The following VAV2 variants were observed in gnomAD, a reference collection of about 807,000 sequenced individuals.
VAV2 encodes the protein guanine nucleotide exchange factor VAV2.
A neutral mutation model predicts 132.5 loss-of-function variants in VAV2; 67 were observed. The observed-to-expected ratio is 0.51, with a 90% confidence interval of 0.42 to 0.62. The LOEUF is 0.62. Among genes scored for constraint, VAV2 ranks in the 20% least tolerant of loss-of-function variants. The pLI, the probability that VAV2 is intolerant of heterozygous loss-of-function variation, is 0.00. For synonymous variants in VAV2, 492 were observed against 443.5 expected (o/e 1.11, Z -1.37); for missense variants, 938 against 1,153.6 (o/e 0.81, Z 2.71).
chr9:133,970,657 C>A (rs932708219), intron 1 of VAV2, among the ~76,000 whole-genome samples: 3 of 152,210 alleles, frequency 2.0e-5, no homozygotes, highest in African/African-American at 4.8e-5. Flanking sequence ...CCAGCCCCAG[C>A]CTCTGGCCTA....
intron 2 of VAV2, among the ~76,000 whole-genome samples, chr9:133,903,077 G>GAAAA (rs1839505485): frequency 9.4e-6 from 1 of 106,722 alleles, no homozygotes; most frequent in African/African-American, 4.0e-5. Flanking sequence ...CCCTGCCCCA[G>GAAAA]GAAAAAAAAA....
chr9:133,863,096 G>A lies in VAV2; in HGVS notation c.322-1664C>T, dbSNP rs1018012814. ...CTACAAGGGGCCTTTCACAAGTAAT[G>A]AGGAACTTGGCTCTGGAGTGTTTTT... On this transcript the variant is annotated intron_variant, in intron 2 of 29. Transcript: ENST00000371850. This position sits in a 1 kb window ranked among gnomAD's most constrained non-coding sequence, Gnocchi z 5.0. Among the ~76,000 whole-genome samples the A allele has an allele frequency of 6.6e-6, 1 of 152,212 alleles. No individual in the cohort carries two copies. Among genetic ancestry groups the A allele is most frequent in the African/African-American group, 2.4e-5 (1 of 41,446 alleles).
chr9:133,960,450 C>T (rs1396118534), intron 1 of VAV2, among the ~76,000 whole-genome samples: 1 of 152,322 alleles, frequency 6.6e-6, no homozygotes, highest in East Asian at 1.9e-4. Context: ...ACCCTGAGTG[C>T]CGGCCACGGG....
rs371810566 is a variant in VAV2 at position 133,789,246 on chromosome 9, C to T, written c.1274+12G>A. The T allele has an allele frequency of 6.3e-5, 102 of 1,613,512 alleles. No homozygotes were observed. The highest frequency in any genetic ancestry group is 2.0e-4 in the African/African-American group (15 of 74,920). On this transcript the variant is annotated intron_variant, in intron 14 of 29. Transcript: ENST00000371850. ...GGGACGCCACCCAGCCCACAACACG[C>T]GCCCTGCTCACCTGTCCTGCTTGGT...
At position 133,761,962 on chromosome 9, in the gene VAV2, A is replaced by G. The variant is rs1833274610; in HGVS notation, c.*2100T>C. 6.6e-6 allele frequency: 1 copy of G among 152,656 alleles called. No homozygotes were observed. Among genetic ancestry groups the G allele is most frequent in the African/African-American group, 2.4e-5 (1 of 41,458 alleles). The allele number at this position is 152,656 out of a possible 1,614,324, so 9.5% of individuals were successfully genotyped here. ...CTGAAAAAAACCCATTGGCAAATGTACAGTTTGTGTCCATTTGGGGTTCCC... is the reference window on the plus strand; with the variant it reads ...CTGAAAAAAACCCATTGGCAAATGTGCAGTTTGTGTCCATTTGGGGTTCCC... On this transcript the variant is annotated 3_prime_UTR_variant, in exon 30 of 30. Coordinates refer to ENST00000371850, the MANE Select transcript of VAV2 (RefSeq NM_001134398.2).
At chr9:133,803,235 C>T (rs1835006152) in intron 9 of VAV2, among the ~76,000 whole-genome samples, 2 of 152,200 alleles carry the variant, frequency 1.3e-5, no homozygotes, top group Admixed American at 1.3e-4. Flanking sequence ...GCGTGGCCTT[C>T]GTCTCGTTCT....
intron 2 of VAV2, among the ~76,000 whole-genome samples, chr9:133,888,984 A>AG (rs768196018): frequency 5.9e-5 from 9 of 152,316 alleles, no homozygotes; most frequent in Non-Finnish European, 1.2e-4. Context: ...CGCCCCTGCC[A>AG]GGGGGGCAGG....
At position 133,797,079 on chromosome 9, in the gene VAV2, C is replaced by T. The variant is rs531825493; in HGVS notation, c.937-555G>A. On this transcript the variant is annotated intron_variant, in intron 10 of 29. Coordinates refer to ENST00000371850, the MANE Select transcript of VAV2 (RefSeq NM_001134398.2). ...CCACTGCTAGAGCCAGGGGGCTCTTCACCAGGCTCCACGCAGAAACCAGGG... is the reference window on the plus strand; with the variant it reads ...CCACTGCTAGAGCCAGGGGGCTCTTTACCAGGCTCCACGCAGAAACCAGGG... Among the ~76,000 whole-genome samples, 11 of 152,342 alleles carry T rather than the reference C, an allele frequency of 7.2e-5. No homozygotes were observed. In the South Asian group the frequency reaches 2.3e-3, roughly 32 times the overall value.
intron 3 of VAV2, among the ~76,000 whole-genome samples, chr9:133,839,367 T>G (rs1339354821): frequency 6.6e-6 from 1 of 151,828 alleles, no homozygotes. Context: ...GGTGCATGGA[T>G]AAGTGGACAG....
intron 2 of VAV2, among the ~76,000 whole-genome samples, chr9:133,862,606 G>A (rs900312945): frequency 2.0e-5 from 3 of 152,240 alleles, no homozygotes; most frequent in Non-Finnish European, 2.9e-5. Context: ...CTGGGGGTGG[G>A]CAACAAGAAA....
intron 7 of VAV2, 37 bp downstream of exon 7, chr9:133,809,003 C>T (rs368499689): frequency 9.4e-5 from 149 of 1,586,966 alleles, no homozygotes; most frequent in Non-Finnish European, 1.2e-4. Flanking sequence ...ACCACAGTGG[C>T]CGCTGCCATT....
chr9:133,861,040 C>T (rs1254760663), intron 3 of VAV2, among the ~76,000 whole-genome samples: 1 of 152,236 alleles, frequency 6.6e-6, no homozygotes, highest in South Asian at 2.1e-4. Context: ...ACCTCATTCT[C>T]GGCACAGCCC....
At chr9:133,786,293 G>T (rs898291731) in intron 16 of VAV2, among the ~76,000 whole-genome samples, 4 of 152,190 alleles carry the variant, frequency 2.6e-5, no homozygotes, top group African/African-American at 9.7e-5. Context: ...TGTCCCTGCA[G>T]GTACACACAT....
At chr9:133,812,336 C>T in intron 4 of VAV2, 120 bp from the exon 5 acceptor site, 1 of 895,718 alleles carries the variant, frequency 1.1e-6, no homozygotes, top group Non-Finnish European at 1.8e-6. Flanking sequence ...AGGTCACCTG[C>T]CCGGGCCTCA....
chr9:133,866,158 G>T (rs1449444775), intron 2 of VAV2, among the ~76,000 whole-genome samples: 1 of 152,208 alleles, frequency 6.6e-6, no homozygotes, highest in Non-Finnish European at 1.5e-5. Flanking sequence ...GGCCCCCCAG[G>T]GGGTGGGTGG....
chr9:133,834,257 A>C lies in VAV2; in HGVS notation c.449+15T>G. 1 of 1,585,688 alleles carries C rather than the reference A, an allele frequency of 6.3e-7. No individual in the cohort carries two copies. Among genetic ancestry groups the C allele is most frequent in the Non-Finnish European group, 8.6e-7 (1 of 1,163,556 alleles). The stretch of plus-strand genomic sequence containing the variant: ...CTCCCTCCTCTCCATCCCTCCTCCC[A>C]TCCCCCCGCCTTACTCGGCCAGCTC... On this transcript the variant is annotated intron_variant, in intron 4 of 29. Coordinates refer to ENST00000371850, the MANE Select transcript of VAV2 (RefSeq NM_001134398.2). The surrounding 1 kb of genome is among the most constrained non-coding windows in gnomAD (Gnocchi z 5.9).
intron 3 of VAV2, among the ~76,000 whole-genome samples, chr9:133,835,211 T>C (rs1836420880): frequency 6.6e-6 from 1 of 152,168 alleles, no homozygotes. Flanking sequence ...CTCAAGAACC[T>C]GGAGGGGTGG....
At chr9:133,803,031 T>C (rs1453632801) in intron 9 of VAV2, among the ~76,000 whole-genome samples, 1 of 152,186 alleles carries the variant, frequency 6.6e-6, no homozygotes, top group Admixed American at 6.5e-5. Context: ...AGGTGGACCA[T>C]GACCGGGGAC....
At chr9:133,917,705 C>T (rs954303528) in intron 2 of VAV2, among the ~76,000 whole-genome samples, 3 of 152,192 alleles carry the variant, frequency 2.0e-5, no homozygotes, top group Non-Finnish European at 2.9e-5. Flanking sequence ...AAGCGACTGG[C>T]CCAGGCCGGG....
Sources: gnomAD v4.1 joint callset for allele counts (sites outside exome capture counted in the v4.1 genomes callset) on GRCh38, gnomAD v4.1.1 for gene constraint, Gnocchi (gnomAD v3.1) non-coding constraint, MANE v1.5 for transcripts, NCBI Gene and HGNC (gene_info 2026-07-23, HGNC 2026-07-21) for gene names.